The following ADAMTS3 variants were observed in gnomAD, a reference collection of about 807,000 sequenced individuals.
The protein encoded by ADAMTS3 is A disintegrin and metalloproteinase with thrombospondin motifs 3.
In ADAMTS3, 73 loss-of-function variants were observed where a neutral mutation model predicts 129.0. The ratio of observed to expected loss-of-function variants is 0.57; its 90% CI spans 0.47 to 0.69. ADAMTS3 has a LOEUF of 0.69. ADAMTS3 is among the 30% of genes least tolerant of loss of function. The pLI, the probability that ADAMTS3 is intolerant of heterozygous loss-of-function variation, is 0.00. For missense variants in ADAMTS3, 1,457 were observed against 1,514.5 expected, an observed-to-expected ratio of 0.96 and a Z score of 0.63; for synonymous variants, 477 against 510.8, an observed-to-expected ratio of 0.93 and a Z score of 0.89.
chr4:72,470,024 C>T (rs1719022583), intron 3 of ADAMTS3, among the ~76,000 whole-genome samples: 2 of 152,062 alleles, frequency 1.3e-5, no homozygotes, highest in African/African-American at 4.8e-5. Flanking sequence ...GTTGGTTGCC[C>T]AACCTCCGCA....
At chr4:72,530,826 GATTATATAT>G (rs1721021614) in intron 3 of ADAMTS3, among the ~76,000 whole-genome samples, 2 of 96,962 alleles carry the variant, frequency 2.1e-5, no homozygotes, top group Non-Finnish European at 3.9e-5. Context: ...ATATTATATA[GATTATATAT>G]AATATATAAT....
chr4:72,336,886 T>G (rs1720005258), intron 5 of ADAMTS3, among the ~76,000 whole-genome samples: 1 of 150,558 alleles, frequency 6.6e-6, no homozygotes, highest in African/African-American at 2.4e-5. Flanking sequence ...ATAAAAAAAG[T>G]CTACAGACAT....
rs771373096 is a variant in ADAMTS3, at chr4:72,512,050, ACT to A, written c.504+36426_504+36427del. On this transcript the variant is annotated intron_variant, in intron 3 of 21. Transcript: ENST00000286657. ...ATCATATGTTCTCACTTATTTGTAGACTCTAAAAATCAAAACAATTGAACTCA... is the reference window on the plus strand; with the variant it reads ...ATCATATGTTCTCACTTATTTGTAGACTAAAAATCAAAACAATTGAACTCA... Among the ~76,000 whole-genome samples the A allele has an allele frequency of 3.0e-4, 45 of 152,228 alleles. 1 individual carries two copies. Among genetic ancestry groups the A allele is most frequent in the South Asian group, 2.1e-3 (10 of 4,824 alleles).
intron 4 of ADAMTS3, among the ~76,000 whole-genome samples, chr4:72,363,430 T>G (rs1014162139): frequency 1.3e-5 from 2 of 152,052 alleles, no homozygotes; most frequent in African/African-American, 4.8e-5. Flanking sequence ...TATTGTAAAA[T>G]AAGAGATAAA....
chr4:72,523,153 AAAGT>A (rs747965887), intron 3 of ADAMTS3, among the ~76,000 whole-genome samples: 9 of 152,098 alleles, frequency 5.9e-5, no homozygotes, highest in South Asian at 2.1e-4. Context: ...AAAAAAAGAA[AAAGT>A]AAGAAAAGCA....
rs762145804 is a variant in ADAMTS3 at position 72,318,528 on chromosome 4, T to C, written c.1485+44A>G. On this transcript the variant is annotated intron_variant, in intron 10 of 21. Transcript: ENST00000286657. ...TCTCACCAAGCAGGAGCTACACAAA[T>C]AGATTTCGAGCTGCAAAATCTACAT... 4.1e-5 allele frequency: 66 copies of C among 1,601,948 alleles called. No individual in the cohort carries two copies. In the South Asian group the frequency reaches 7.1e-4, roughly 17 times the overall value.
At chr4:72,380,759 G>T (rs1231647366) in intron 4 of ADAMTS3, among the ~76,000 whole-genome samples, 2 of 152,078 alleles carry the variant, frequency 1.3e-5, no homozygotes, top group African/African-American at 4.8e-5. Context: ...GCAGAAAGTG[G>T]CAGTCATCTC....
intron 3 of ADAMTS3, among the ~76,000 whole-genome samples, chr4:72,536,149 T>C (rs1354193119): frequency 6.6e-6 from 1 of 152,194 alleles, no homozygotes; most frequent in Admixed American, 6.5e-5. Flanking sequence ...ATGGTTATTA[T>C]ATTTTTGTCT....
At position 72,326,922 on chromosome 4, in the gene ADAMTS3, GC is replaced by G. The variant is rs143328482; in HGVS notation, c.862-3826del. ...ATGGCAGTATGCATGCTTCAGAGGG[GC>G]AAAGGACAAGCTGCTTCATACACCT... On this transcript the variant is annotated intron_variant, in intron 5 of 21. Coordinates refer to ENST00000286657, the MANE Select transcript of ADAMTS3 (RefSeq NM_014243.3). Among the ~76,000 whole-genome samples, 724 of 152,172 alleles carry G rather than the reference GC, an allele frequency of 4.8e-3. 6 individuals carry two copies. The highest frequency in any genetic ancestry group is 0.017 in the African/African-American group (691 of 41,532).
chr4:72,404,856 ACAC>A (rs1722012446), intron 4 of ADAMTS3, among the ~76,000 whole-genome samples: 2 of 150,714 alleles, frequency 1.3e-5, no homozygotes, highest in Admixed American at 6.6e-5. Context: ...ACACACACAC[ACAC>A]AAAACACACA....
chr4:72,508,620 A>G (rs536874827), intron 3 of ADAMTS3, among the ~76,000 whole-genome samples: 1 of 152,230 alleles, frequency 6.6e-6, no homozygotes, highest in Admixed American at 6.5e-5. Flanking sequence ...GTAATTTCAT[A>G]ATACCAATAT....
At chr4:72,555,805 G>A (rs1721749363) in intron 2 of ADAMTS3, among the ~76,000 whole-genome samples, 1 of 151,426 alleles carries the variant, frequency 6.6e-6, no homozygotes, top group Admixed American at 6.6e-5. Context: ...TGGTGTTCTC[G>A]TGATAGTGAA....
At chr4:72,493,866 GT>G (rs1026140621) in intron 3 of ADAMTS3, among the ~76,000 whole-genome samples, 8 of 151,774 alleles carry the variant, frequency 5.3e-5, no homozygotes, top group East Asian at 1.9e-4. Context: ...TTATTGTGGA[GT>G]TTTTTTCTTT....
chr4:72,545,988 G>A (rs788913), intron 3 of ADAMTS3, among the ~76,000 whole-genome samples: 99,756 of 152,006 alleles, frequency 0.66, 33,367 homozygotes, highest in African/African-American at 0.8. Flanking sequence ...TATTTTTTAA[G>A]TGGACTTTTT....
At chr4:72,540,497 T>C (rs1299147708) in intron 3 of ADAMTS3, among the ~76,000 whole-genome samples, 7 of 152,120 alleles carry the variant, frequency 4.6e-5, no homozygotes, top group Non-Finnish European at 1.5e-5. Context: ...GCTGCAGAAA[T>C]TTGCATAAAT....
intron 17 of ADAMTS3, among the ~76,000 whole-genome samples, chr4:72,302,387 G>A (rs929748304): frequency 6.6e-6 from 1 of 151,730 alleles, no homozygotes; most frequent in African/African-American, 2.4e-5. Context: ...TAGGCTCAAG[G>A]ACAGATTGGA....
intron 2 of ADAMTS3, among the ~76,000 whole-genome samples, chr4:72,550,615 A>C (rs1721621299): frequency 1.3e-5 from 2 of 152,186 alleles, no homozygotes; most frequent in South Asian, 4.1e-4. Flanking sequence ...CTGGACAGAC[A>C]GTGCAGTCCC....
rs1721524412 is a variant in ADAMTS3 at position 72,548,505 on chromosome 4, A to G, written c.477T>C (p.Ser159=). ...GACCATCACAGTTGCTGATGGCAAC[A>G]GAGGTTCCTGGAATGTCCACGATGT... ...VGDIVDIPGT[S]VAISNCDGLA... The change falls in exon 3 of 22, where the codon TCT becomes TCC. Residue 159 remains serine, a synonymous_variant. Transcript: ENST00000286657. 4.3e-6 allele frequency: 7 copies of G among 1,613,772 alleles called. No homozygotes were observed. The highest frequency in any genetic ancestry group is 5.9e-6 in the Non-Finnish European group (7 of 1,179,832).
intron 4 of ADAMTS3, among the ~76,000 whole-genome samples, chr4:72,411,573 G>A (rs970392524): frequency 8.6e-5 from 13 of 151,896 alleles, no homozygotes; most frequent in African/African-American, 3.1e-4. Flanking sequence ...TCACTCTCAA[G>A]CTAATCTCTA....
Sources: gnomAD v4.1 joint callset for allele counts (sites outside exome capture counted in the v4.1 genomes callset) on GRCh38, gnomAD v4.1.1 for gene constraint, MANE v1.5 for transcripts, NCBI Gene and HGNC (gene_info 2026-07-23, HGNC 2026-07-21) for gene names.